The following TPST1 variants were observed in gnomAD, a reference collection of about 807,000 sequenced individuals.
The protein encoded by TPST1 is protein-tyrosine sulfotransferase 1.
A neutral mutation model predicts 34.8 loss-of-function variants in TPST1; 20 were observed. The ratio of observed to expected loss-of-function variants is 0.57; its 90% CI spans 0.40 to 0.84. The LOEUF (loss-of-function observed/expected upper bound fraction) is 0.84, where lower values mean the gene tolerates loss of function less well. Ranked by LOEUF, TPST1 falls within the 40% of genes least tolerant of loss-of-function variation. The pLI is 0.00. For synonymous variants in TPST1, 152 were observed against 159.4 expected, an observed-to-expected ratio of 0.95 and a Z score of 0.35; for missense variants, 353 against 455.5, an observed-to-expected ratio of 0.78 and a Z score of 2.05.
At chr7:66,285,661 A>G (rs939712389) in intron 2 of TPST1, among the ~76,000 whole-genome samples, 2 of 152,200 alleles carry the variant, frequency 1.3e-5, no homozygotes, top group Admixed American at 1.3e-4. Context: ...TACGATATAA[A>G]AGTCTCTTTT....
chr7:66,241,620 T>C (rs1043504265), intron 2 of TPST1, among the ~76,000 whole-genome samples: 7 of 152,332 alleles, frequency 4.6e-5, no homozygotes, highest in African/African-American at 1.7e-4. Flanking sequence ...GCTTCTGATT[T>C]CTAATTTCTA....
intron 3 of TPST1, among the ~76,000 whole-genome samples, chr7:66,293,134 A>C (rs938300789): frequency 6.6e-6 from 1 of 151,726 alleles, no homozygotes; most frequent in Non-Finnish European, 1.5e-5. Flanking sequence ...TGAACCCGGG[A>C]GGCAGAGCTT....
chr7:66,267,594 A>T (rs1053495357), intron 2 of TPST1, among the ~76,000 whole-genome samples: 17 of 152,220 alleles, frequency 1.1e-4, no homozygotes, highest in Non-Finnish European at 2.1e-4. Flanking sequence ...CTGAGATATG[A>T]CCGAGAAACA....
At chr7:66,215,771 CTTTCTT>C (rs1325203100) in intron 1 of TPST1, among the ~76,000 whole-genome samples, 1 of 108,536 alleles carries the variant, frequency 9.2e-6, no homozygotes, top group African/African-American at 3.7e-5. Context: ...TTTTCTTTTT[CTTTCTT>C]TTTTTTTTTT....
intron 3 of TPST1, among the ~76,000 whole-genome samples, chr7:66,298,844 C>G (rs1329970043): frequency 6.6e-6 from 1 of 151,936 alleles, no homozygotes; most frequent in Non-Finnish European, 1.5e-5. Context: ...AGATAGTAGG[C>G]CGGGTGCAGT....
At chr7:66,344,868 T>A (rs1792311533) in intron 3 of TPST1, among the ~76,000 whole-genome samples, 1 of 151,230 alleles carries the variant, frequency 6.6e-6, no homozygotes, top group African/African-American at 2.4e-5. Flanking sequence ...GGACTACAGG[T>A]GCCTGCCAAC....
At chr7:66,215,507 T>G (rs1789377685) in intron 1 of TPST1, among the ~76,000 whole-genome samples, 1 of 151,240 alleles carries the variant, frequency 6.6e-6, no homozygotes, top group Admixed American at 6.6e-5. Context: ...CCTGAGTAGC[T>G]GGGACTACAG....
At chr7:66,244,024 C>T (rs1233329519) in intron 2 of TPST1, among the ~76,000 whole-genome samples, 2 of 149,666 alleles carry the variant, frequency 1.3e-5, no homozygotes, top group African/African-American at 5.0e-5. Flanking sequence ...TCTCGGCTCA[C>T]TGCGAGCTCG....
At chr7:66,317,917 G>A (rs570554686) in intron 3 of TPST1, among the ~76,000 whole-genome samples, 132 of 152,218 alleles carry the variant, frequency 8.7e-4, no homozygotes, top group Middle Eastern at 3.4e-3. Context: ...CCATCACTTT[G>A]GGAGGCCAAA....
intron 3 of TPST1, among the ~76,000 whole-genome samples, chr7:66,336,106 C>T (rs1403563391): frequency 6.6e-6 from 1 of 152,168 alleles, no homozygotes; most frequent in African/African-American, 2.4e-5. Context: ...GTCAGGGGAT[C>T]GAGACCATCC....
upstream of TPST1, among the ~76,000 whole-genome samples, chr7:66,201,409 G>A (rs567996288): frequency 4.5e-3 from 662 of 146,250 alleles, 8 homozygotes; most frequent in African/African-American, 0.016. Context: ...AAAAGTAAAA[G>A]GCTGGGCACG....
intron 4 of TPST1, among the ~76,000 whole-genome samples, chr7:66,355,479 A>C (rs1792563917): frequency 6.6e-6 from 1 of 151,978 alleles, no homozygotes; most frequent in Non-Finnish European, 1.5e-5. Context: ...CCTCTCAAAA[A>C]AAAAAACAAA....
chr7:66,212,713 G>T (rs1789291038), intron 1 of TPST1, among the ~76,000 whole-genome samples: 1 of 152,076 alleles, frequency 6.6e-6, no homozygotes, highest in Admixed American at 6.6e-5. Context: ...CCCCACCTTG[G>T]CCTCCCAAAG....
At chr7:66,328,011 CTTTTTTTTTTTTTTTTT>C (rs35582736) in intron 3 of TPST1, among the ~76,000 whole-genome samples, 62 of 39,520 alleles carry the variant, frequency 1.6e-3, no homozygotes, top group South Asian at 5.1e-3. Flanking sequence ...TTTTCCTTTC[CTTTTTTTTTTTTTTTTT>C]TTTTTTTTTT....
At chr7:66,284,484 A>G (rs1389619439) in intron 2 of TPST1, among the ~76,000 whole-genome samples, 4 of 151,420 alleles carry the variant, frequency 2.6e-5, no homozygotes, top group Non-Finnish European at 5.9e-5. Context: ...CAAGTCAAAT[A>G]TTAATTAATC....
chr7:66,276,485 T>C (rs938157272), intron 2 of TPST1, among the ~76,000 whole-genome samples: 7 of 150,190 alleles, frequency 4.7e-5, no homozygotes, highest in Non-Finnish European at 7.4e-5. Flanking sequence ...GTGATTCTCC[T>C]GCGTCAGCCT....
chr7:66,343,246 A>T (rs1792275695), intron 3 of TPST1, among the ~76,000 whole-genome samples: 1 of 152,204 alleles, frequency 6.6e-6, no homozygotes, highest in Non-Finnish European at 1.5e-5. Flanking sequence ...CAAGGATGTG[A>T]TTGTAACAAC....
chr7:66,340,515 T>C (rs962816318), intron 3 of TPST1, among the ~76,000 whole-genome samples: 5 of 152,202 alleles, frequency 3.3e-5, no homozygotes, highest in Admixed American at 3.3e-4. Context: ...CAAAAACTGC[T>C]AGAACTGATA....
intron 3 of TPST1, among the ~76,000 whole-genome samples, chr7:66,342,130 G>A (rs1792250736): frequency 6.6e-6 from 1 of 152,198 alleles, no homozygotes; most frequent in Non-Finnish European, 1.5e-5. Context: ...ACATGTATCT[G>A]TTTCCAATAC....
Sources: allele counts gnomAD v4.1 joint callset (sites outside exome capture counted in the v4.1 genomes callset), GRCh38; gene constraint gnomAD v4.1.1; transcripts MANE v1.5; gene names NCBI Gene and HGNC (gene_info 2026-07-23, HGNC 2026-07-21).